Variants in DDI1 observed in about 807,000 individuals in gnomAD.
DDI1 encodes protein DDI1 homolog 1.
DDI1 carries 6 observed loss-of-function variants against 7.2 expected under a neutral mutation model. The ratio of observed to expected loss-of-function variants is 0.83; its 90% CI spans 0.46 to 1.64. DDI1 has a LOEUF of 1.64. Among genes scored for constraint, DDI1 ranks in the 40% most tolerant of loss-of-function variants. The pLI is 0.01. For synonymous variants in DDI1, 221 were observed against 201.7 expected, an observed-to-expected ratio of 1.10 and a Z score of -0.81; for missense variants, 502 against 516.6, an observed-to-expected ratio of 0.97 and a Z score of 0.27.
At position 104,037,200 on chromosome 11, in the gene DDI1, G is replaced by GGGCTT; in HGVS notation, c.382_386dup (p.Ser130TrpfsTer18). On this transcript the variant is annotated frameshift_variant, in exon 1 of 1. Coordinates refer to ENST00000302259, the MANE Select transcript of DDI1 (RefSeq NM_001001711.3). LOFTEE classifies it low-confidence loss of function (END_TRUNC). ...GCACACCCGCTGCCCAGCGGTCACAGGGCTTGGCGTCAGGAGAGAAGGTGG... is the reference window on the plus strand; with the variant it reads ...GCACACCCGCTGCCCAGCGGTCACAGGGCTTGGCTTGGCGTCAGGAGAGAAGGTGG... 1.2e-6 allele frequency: 2 copies of GGGCTT among 1,613,720 alleles called. No individual in the cohort carries two copies. The highest frequency in any genetic ancestry group is 1.7e-6 in the Non-Finnish European group (2 of 1,180,008).
chr11:104,036,750 G>T lies in DDI1; in HGVS notation c.-73G>T. The T allele has an allele frequency of 2.4e-6, 3 of 1,237,778 alleles. No individual in the cohort carries two copies. The highest frequency in any genetic ancestry group is 3.5e-6 in the Non-Finnish European group (3 of 868,826). 76.7% of individuals were successfully genotyped at this position (1,237,778 alleles called of 1,614,324 possible). On this transcript the variant is annotated 5_prime_UTR_variant, in exon 1 of 1. Coordinates refer to ENST00000302259, the MANE Select transcript of DDI1 (RefSeq NM_001001711.3). ...AGTCCTGAGGAGCAGCGGCACCAAC[G>T]ACGCAGGCCCGCCCCAGCCCGCCAG...
In DDI1 at chr11:104,036,699, T is replaced by A. The variant is rs1390832475; in HGVS notation, c.-124T>A. ...TGTCCGCGCCTCTCTGAGAGGTGAA[T>A]GAGCCCGGACGGTCCCTACCTACCA... is the stretch of plus-strand genomic sequence containing the variant. On this transcript the variant is annotated 5_prime_UTR_variant, in exon 1 of 1. The change abolishes an upstream ATG in the 5' untranslated region. Coordinates refer to ENST00000302259, the MANE Select transcript of DDI1 (RefSeq NM_001001711.3). The A allele has an allele frequency of 4.0e-6, 3 of 750,028 alleles. No individual in the cohort carries two copies. The highest frequency in any genetic ancestry group is 2.3e-5 in the Admixed American group (1 of 42,916). The allele number at this position is 750,028 out of a possible 1,614,324, so 46.5% of individuals were successfully genotyped here. A position where few individuals can be genotyped will look rare whatever the true frequency, so the allele number is the denominator to read the frequency against.
At position 104,036,911 on chromosome 11, in the gene DDI1, T is replaced by A; in HGVS notation, c.89T>A (p.Phe30Tyr). 6.2e-7 allele frequency: 1 copy of A among 1,614,120 alleles called. No individual in the cohort carries two copies. The highest frequency in any genetic ancestry group is 1.1e-5 in the South Asian group (1 of 91,078). Residue 30 changes from phenylalanine to tyrosine, a missense_variant, in exon 1 of 1, where the codon TTC (phenylalanine) becomes TAC (tyrosine). Phe to Tyr is a conservative substitution (Grantham distance 22). Transcript: ENST00000302259. ...QVSPDFELRN[F>Y]KVLCEAESRV... The stretch of plus-strand genomic sequence containing the variant: ...AGCCCCGACTTTGAGCTCCGAAACT[T>A]CAAGGTCCTCTGCGAAGCGGAGTCC...
rs760762374 is a variant in DDI1 at position 104,037,893 on chromosome 11, G to C, written c.1071G>C (p.Gln357His). Residue 357 changes from glutamine (Q) to histidine (H), a missense_variant, in exon 1 of 1, where the codon CAG (glutamine) becomes CAC (histidine). Gln to His is a conservative substitution (Grantham distance 24, BLOSUM62 0). Coordinates refer to ENST00000302259, the MANE Select transcript of DDI1 (RefSeq NM_001001711.3). The part of the protein sequence containing the change: ...NVLVIGTTGT[Q>H]TYFLPEGELP... ...TGGTCATCGGCACCACTGGCACGCA[G>C]ACTTATTTTCTTCCTGAGGGAGAGT... 1 of 1,614,170 alleles carries C rather than the reference G, an allele frequency of 6.2e-7. No individual in the cohort carries two copies. Among genetic ancestry groups the C allele is most frequent in the Non-Finnish European group, 8.5e-7 (1 of 1,180,040 alleles).
In DDI1 at chr11:104,037,682, C is replaced by G. The variant is rs988144287; in HGVS notation, c.860C>G (p.Ala287Gly). Residue 287 changes from alanine to glycine, a missense_variant, in exon 1 of 1, where the codon GCT becomes GGT. Ala to Gly is a moderately conservative substitution (Grantham distance 60). Coordinates refer to ENST00000302259, the MANE Select transcript of DDI1 (RefSeq NM_001001711.3). Reference protein sequence around the residue: ...NIMRLVDRRWAGVAKGVGTQR... With the variant: ...NIMRLVDRRWGGVAKGVGTQR... Reference sequence around the variant, plus strand: ...ATGAGGCTGGTGGACCGACGGTGGGCTGGGGTTGCTAAAGGAGTGGGCACA... The same window carrying G: ...ATGAGGCTGGTGGACCGACGGTGGGGTGGGGTTGCTAAAGGAGTGGGCACA... The G allele has an allele frequency of 1.9e-6, 3 of 1,614,108 alleles. No homozygotes were observed. Among genetic ancestry groups the G allele is most frequent in the Admixed American group, 3.3e-5 (2 of 60,026 alleles).
chr11:104,037,625 T>A lies in DDI1; in HGVS notation c.803T>A (p.Met268Lys). The change falls in exon 1 of 1, where the codon ATG (methionine) becomes AAG (lysine). Residue 268 changes from methionine to lysine, a missense_variant. By Grantham distance (95) the Met-to-Lys change is moderately conservative. Transcript: ENST00000302259. ...FVDSGAQMTI[M>K]SQACAERCNI... is the part of the protein sequence containing the mutation. ...GACTCGGGCGCCCAGATGACCATTA[T>A]GAGCCAGGCTTGTGCCGAGCGATGT... 1.2e-6 allele frequency: 2 copies of A among 1,614,162 alleles called. No individual in the cohort carries two copies. The highest frequency in any genetic ancestry group is 1.7e-6 in the Non-Finnish European group (2 of 1,180,032).
chr11:104,038,659 A>G lies in DDI1; in HGVS notation c.*646A>G, dbSNP rs551613481. 6.0e-6 allele frequency: 1 copy of G among 167,202 alleles called. No individual in the cohort carries two copies. The highest frequency in any genetic ancestry group is 2.1e-4 in the South Asian group (1 of 4,820). 10.4% of individuals were successfully genotyped at this position (167,202 alleles called of 1,614,324 possible). A position where few individuals can be genotyped will look rare whatever the true frequency, so the allele number is the denominator to read the frequency against. On this transcript the variant is annotated 3_prime_UTR_variant, in exon 1 of 1. Transcript: ENST00000302259. ...AGACTATTTTTGCCATATTTGAGAAAGTGGATTTATCTCCAAGGATGCTAC... is the reference window on the plus strand; with the variant it reads ...AGACTATTTTTGCCATATTTGAGAAGGTGGATTTATCTCCAAGGATGCTAC...
rs750400615 is a variant in DDI1 at position 104,037,920 on chromosome 11, G to A, written c.1098G>A (p.Leu366=). Residue 366 remains leucine (L), a synonymous_variant, in exon 1 of 1, where the codon TTG becomes TTA. Coordinates refer to ENST00000302259, the MANE Select transcript of DDI1 (RefSeq NM_001001711.3). ...CTTATTTTCTTCCTGAGGGAGAGTT[G>A]CCCTTATGCTCTAGGATGGTAAGTG... ...TQTYFLPEGE[L]PLCSRMVSGQ... is the part of the protein sequence containing the mutation. 2 of 1,614,158 alleles carry A rather than the reference G, an allele frequency of 1.2e-6. No homozygotes were observed. The highest frequency in any genetic ancestry group is 1.7e-6 in the Non-Finnish European group (2 of 1,180,022).
At position 104,038,691 on chromosome 11, in the gene DDI1, T is replaced by C. The variant is rs1463581731; in HGVS notation, c.*678T>C. On this transcript the variant is annotated 3_prime_UTR_variant, in exon 1 of 1. Transcript: ENST00000302259. ...TTATCTCCAAGGATGCTACATTAAT[T>C]TTCTATTTCTCCTGCATTCAAAGAA... 1 of 167,096 alleles carries C rather than the reference T, an allele frequency of 6.0e-6. No individual in the cohort carries two copies. Among genetic ancestry groups the C allele is most frequent in the Admixed American group, 6.5e-5 (1 of 15,286 alleles). The allele number at this position is 167,096 out of a possible 1,614,324, so 10.4% of individuals were successfully genotyped here.
chr11:104,037,578 G>A lies in DDI1; in HGVS notation c.756G>A (p.Gly252=). 6.2e-7 allele frequency: 1 copy of A among 1,614,102 alleles called. No individual in the cohort carries two copies. The change falls in exon 1 of 1, where the codon GGG becomes GGA. Residue 252 remains glycine, a synonymous_variant. Coordinates refer to ENST00000302259, the MANE Select transcript of DDI1 (RefSeq NM_001001711.3). ...TMLYINCKVN[G]HPLKAFVDSG... ...TCTACATTAACTGCAAAGTGAATGG[G>A]CATCCTTTGAAGGCTTTTGTTGACT...
Position 104,036,985 on chromosome 11 carries a change from A to T in DDI1, c.163A>T (p.Ile55Phe), listed in dbSNP as rs1428851068. The T allele has an allele frequency of 6.2e-7, 1 of 1,614,214 alleles. No homozygotes were observed. ...GATCATCCACATGGAGCGACTCCTC[A>T]TCGAGGACCACTGTTCCCTGGGCTC... Reference protein sequence around the residue: ...IQIIHMERLLIEDHCSLGSYG... With the variant: ...IQIIHMERLLFEDHCSLGSYG... Residue 55 changes from isoleucine to phenylalanine, a missense_variant, in exon 1 of 1, where the codon ATC (isoleucine) becomes TTC (phenylalanine). Coordinates refer to ENST00000302259, the MANE Select transcript of DDI1 (RefSeq NM_001001711.3).
chr11:104,037,854 G>A lies in DDI1; in HGVS notation c.1032G>A (p.Leu344=). Residue 344 remains leucine (L), a synonymous_variant, in exon 1 of 1, where the codon TTG becomes TTA. Transcript: ENST00000302259. The part of the protein sequence containing the change: ...MLRRHQCSID[L]KKNVLVIGTT... Reference sequence around the variant, plus strand: ...GGAGACATCAATGTTCCATCGATTTGAAGAAAAATGTGCTGGTCATCGGCA... The same window carrying A: ...GGAGACATCAATGTTCCATCGATTTAAAGAAAAATGTGCTGGTCATCGGCA... 1 of 1,614,180 alleles carries A rather than the reference G, an allele frequency of 6.2e-7. No homozygotes were observed. The highest frequency in any genetic ancestry group is 8.5e-7 in the Non-Finnish European group (1 of 1,180,028).
Position 104,036,791 on chromosome 11 carries a change from C to T in DDI1, c.-32C>T. ...AGCCCGCCAGTGAGCCGCCCATGCC[C>T]TCTGCTAGCCCGGCCCGCCCGGGCC... is the stretch of plus-strand genomic sequence containing the variant. On this transcript the variant is annotated 5_prime_UTR_variant, in exon 1 of 1. Coordinates refer to ENST00000302259, the MANE Select transcript of DDI1 (RefSeq NM_001001711.3). 2 of 1,578,356 alleles carry T rather than the reference C, an allele frequency of 1.3e-6. No homozygotes were observed. Among genetic ancestry groups the T allele is most frequent in the Non-Finnish European group, 1.7e-6 (2 of 1,154,142 alleles).
rs1860286030 is a variant in DDI1, at chr11:104,038,169, T to C, written c.*156T>C. The C allele has an allele frequency of 5.4e-6, 4 of 743,508 alleles. No homozygotes were observed. Among genetic ancestry groups the C allele is most frequent in the African/African-American group, 1.8e-5 (1 of 56,672 alleles). 46.1% of individuals were successfully genotyped at this position (743,508 alleles called of 1,614,324 possible). ...TCAGATGGGTAACTAACGTCAATCC[T>C]GATTCCTTGGTCTTGGTCCCTCTTC... is the stretch of plus-strand genomic sequence containing the variant. On this transcript the variant is annotated 3_prime_UTR_variant, in exon 1 of 1. Coordinates refer to ENST00000302259, the MANE Select transcript of DDI1 (RefSeq NM_001001711.3).
Position 104,037,295 on chromosome 11 carries a change from C to G in DDI1, c.473C>G (p.Ser158Cys). The change falls in exon 1 of 1, where the codon TCC becomes TGC. Residue 158 changes from serine to cysteine, a missense_variant. Coordinates refer to ENST00000302259, the MANE Select transcript of DDI1 (RefSeq NM_001001711.3). The part of the protein sequence containing the change: ...SMLLSNPHDL[S>C]LLKERNPPLA... Reference sequence around the variant, plus strand: ...CTGCTCTCCAACCCCCACGATCTGTCCCTGCTCAAGGAACGCAACCCTCCC... The same window carrying G: ...CTGCTCTCCAACCCCCACGATCTGTGCCTGCTCAAGGAACGCAACCCTCCC... 6.2e-7 allele frequency: 1 copy of G among 1,613,538 alleles called. No individual in the cohort carries two copies. The highest frequency in any genetic ancestry group is 8.5e-7 in the Non-Finnish European group (1 of 1,179,544).
rs1250329604 is a variant in DDI1 at position 104,037,174 on chromosome 11, C to T, written c.352C>T (p.Arg118Cys). The T allele has an allele frequency of 1.2e-6, 2 of 1,613,564 alleles. No homozygotes were observed. The highest frequency in any genetic ancestry group is 1.7e-6 in the Non-Finnish European group (2 of 1,179,994). ...RPQHPGQQQQ[R>C]TPAAQRSQGL... Reference sequence around the variant, plus strand: ...ACAGCACCCTGGACAGCAGCAGCAGCGCACACCCGCTGCCCAGCGGTCACA... The same window carrying T: ...ACAGCACCCTGGACAGCAGCAGCAGTGCACACCCGCTGCCCAGCGGTCACA... The change falls in exon 1 of 1, where the codon CGC (arginine) becomes TGC (cysteine). Residue 118 changes from arginine to cysteine, a missense_variant. Physicochemically the swap from Arg to Cys is radical, Grantham distance 180. Coordinates refer to ENST00000302259, the MANE Select transcript of DDI1 (RefSeq NM_001001711.3).
In DDI1 at chr11:104,036,681, G is replaced by C; in HGVS notation, c.-142G>C. ...AGCCCCCAGACAGATGAGTGTCCGC[G>C]CCTCTCTGAGAGGTGAATGAGCCCG... On this transcript the variant is annotated 5_prime_UTR_variant, in exon 1 of 1. Coordinates refer to ENST00000302259, the MANE Select transcript of DDI1 (RefSeq NM_001001711.3). The C allele has an allele frequency of 1.5e-6, 1 of 680,010 alleles. No homozygotes were observed. The highest frequency in any genetic ancestry group is 2.6e-6 in the Non-Finnish European group (1 of 390,958). 42.1% of individuals were successfully genotyped at this position (680,010 alleles called of 1,614,324 possible).
At position 104,036,894 on chromosome 11, in the gene DDI1, C is replaced by T. The variant is rs17851869; in HGVS notation, c.72C>T (p.Asp24=). ...CCTTCTCTCTCCAGGTCAGCCCCGACTTTGAGCTCCGAAACTTCAAGGTCC... is the reference window on the plus strand; with the variant it reads ...CCTTCTCTCTCCAGGTCAGCCCCGATTTTGAGCTCCGAAACTTCAAGGTCC... ...EVTFSLQVSP[D]FELRNFKVLC... is the part of the protein sequence containing the mutation. Residue 24 remains aspartate, a synonymous_variant, in exon 1 of 1, where the codon GAC becomes GAT. Coordinates refer to ENST00000302259, the MANE Select transcript of DDI1 (RefSeq NM_001001711.3). 2.5e-6 allele frequency: 4 copies of T among 1,614,174 alleles called. No homozygotes were observed. Among genetic ancestry groups the T allele is most frequent in the Non-Finnish European group, 3.4e-6 (4 of 1,180,032 alleles).
chr11:104,036,867 C>G lies in DDI1; in HGVS notation c.45C>G (p.Val15=), dbSNP rs931042339. 1.2e-6 allele frequency: 2 copies of G among 1,613,994 alleles called. No homozygotes were observed. Among genetic ancestry groups the G allele is most frequent in the Non-Finnish European group, 1.7e-6 (2 of 1,180,018 alleles). The change falls in exon 1 of 1, where the codon GTC becomes GTG. Residue 15 remains valine (V), a synonymous_variant. Coordinates refer to ENST00000302259, the MANE Select transcript of DDI1 (RefSeq NM_001001711.3). The stretch of plus-strand genomic sequence containing the variant: ...GCGTGCGGAGGGACCTCTCCGAGGT[C>G]ACCTTCTCTCTCCAGGTCAGCCCCG... ...VYCVRRDLSE[V]TFSLQVSPDF...
Sources: allele counts gnomAD v4.1 joint callset, GRCh38; gene constraint gnomAD v4.1.1; transcripts MANE v1.5; gene names NCBI Gene and HGNC (gene_info 2026-07-23, HGNC 2026-07-21).